Variants in OPCML observed in about 807,000 individuals in gnomAD.
OPCML encodes the protein opioid-binding protein/cell adhesion molecule.
A neutral mutation model predicts 37.8 loss-of-function variants in OPCML; 13 were observed. The observed-to-expected ratio is 0.34, with a 90% CI of 0.22 to 0.55. The LOEUF (loss-of-function observed/expected upper bound fraction) is 0.55. OPCML is among the 20% of genes least tolerant of loss of function. OPCML has a pLI of 0.91. For synonymous variants in OPCML, 176 were observed against 168.8 expected (o/e 1.04, Z -0.33); for missense variants, 341 against 435.6 (o/e 0.78, Z 1.93).
chr11:132,692,124 C>T (rs3892317), intron 2 of OPCML, among the ~76,000 whole-genome samples: 1 of 152,018 alleles, frequency 6.6e-6, no homozygotes, highest in East Asian at 1.9e-4. Flanking sequence ...AGAAAAGCAT[C>T]ATTTATCGTA....
intron 2 of OPCML, 88 bp from the exon 3 acceptor site, chr11:132,657,407 A>G: frequency 6.7e-7 from 1 of 1,493,758 alleles, no homozygotes; most frequent in Non-Finnish European, 8.9e-7. Flanking sequence ...AAGACGTTGC[A>G]TTTTGAGGAG....
chr11:132,585,532 G>A (rs1451123623), intron 3 of OPCML, among the ~76,000 whole-genome samples: 2 of 152,128 alleles, frequency 1.3e-5, no homozygotes, highest in South Asian at 2.1e-4. Flanking sequence ...CATAAGCTGA[G>A]TCCAAAACAA....
chr11:132,892,525 T>C (rs966096256), intron 2 of OPCML, among the ~76,000 whole-genome samples: 1 of 152,204 alleles, frequency 6.6e-6, no homozygotes, highest in African/African-American at 2.4e-5. Context: ...TCCTAGCATT[T>C]TGGGAGGCCG....
chr11:133,153,911 G>A (rs66478746), intron 1 of OPCML, among the ~76,000 whole-genome samples: 27,593 of 152,052 alleles, frequency 0.18, 3,340 homozygotes, highest in African/African-American at 0.34. Flanking sequence ...AGGTAAGACA[G>A]TGAGACACGT....
rs11223304 is a variant in OPCML at position 132,971,178 on chromosome 11, C to T, written c.62-28168G>A. ...AAATTCCTCTAGCTGAGGGCTCTGA[C>T]AAGATTGATGAAGGCCTTAATTCCT... is the stretch of plus-strand genomic sequence containing the variant. On this transcript the variant is annotated intron_variant, in intron 1 of 7. Coordinates refer to ENST00000524381, the MANE Select transcript of OPCML (RefSeq NM_001012393.5). 8.5e-4 allele frequency among the ~76,000 whole-genome samples: 129 copies of T among 152,230 alleles called. 1 individual carries two copies. The East Asian group carries it at 0.022, about 26-fold the overall frequency.
At chr11:132,821,376 C>T (rs1355393291) in intron 2 of OPCML, among the ~76,000 whole-genome samples, 1 of 152,168 alleles carries the variant, frequency 6.6e-6, no homozygotes, top group Non-Finnish European at 1.5e-5. Flanking sequence ...TCCATGCCTT[C>T]CCCAGCTGCC....
In OPCML at chr11:133,287,420, G is replaced by T. The variant is rs532329212; in HGVS notation, c.61+244844C>A. 9.8e-4 allele frequency among the ~76,000 whole-genome samples: 148 copies of T among 150,540 alleles called. 1 individual carries two copies. The highest frequency in any genetic ancestry group is 1.9e-3 in the Non-Finnish European group (130 of 67,652). On this transcript the variant is annotated intron_variant, in intron 1 of 7. Transcript: ENST00000524381. Reference sequence around the variant, plus strand: ...AGCCGAAACAAGTGGGCAAAATATTGCTTCGACATGCACAGGAACCAGATT... The same window carrying T: ...AGCCGAAACAAGTGGGCAAAATATTTCTTCGACATGCACAGGAACCAGATT...
At chr11:132,617,612 G>A (rs896416060) in intron 3 of OPCML, among the ~76,000 whole-genome samples, 3 of 152,202 alleles carry the variant, frequency 2.0e-5, no homozygotes, top group Non-Finnish European at 4.4e-5. Flanking sequence ...AATACCACAG[G>A]CTGAGTGCCT....
chr11:132,816,173 C>T (rs1029993196), intron 2 of OPCML, among the ~76,000 whole-genome samples: 5 of 152,178 alleles, frequency 3.3e-5, no homozygotes, highest in Non-Finnish European at 2.9e-5. Flanking sequence ...TAGGATGATA[C>T]TGATTCCAAC....
Position 132,796,739 on chromosome 11 carries a change from G to A in OPCML, c.147-139420C>T, listed in dbSNP as rs1028142585. Among the ~76,000 whole-genome samples the A allele has an allele frequency of 4.6e-5, 7 of 151,854 alleles. No individual in the cohort carries two copies. The East Asian group carries it at 1.2e-3, about 25-fold the overall frequency. On this transcript the variant is annotated intron_variant, in intron 2 of 7. Coordinates refer to ENST00000524381, the MANE Select transcript of OPCML (RefSeq NM_001012393.5). Reference sequence around the variant, plus strand: ...ACTACAGGCGCCAGCCGCCACGCCCGGCTAATTTTTTGTATTTTTTAGTAG... The same window carrying A: ...ACTACAGGCGCCAGCCGCCACGCCCAGCTAATTTTTTGTATTTTTTAGTAG...
At chr11:133,037,761 C>T (rs1227465836) in intron 1 of OPCML, among the ~76,000 whole-genome samples, 1 of 152,206 alleles carries the variant, frequency 6.6e-6, no homozygotes, top group Non-Finnish European at 1.5e-5. Context: ...CAAAGAAGAG[C>T]AAGCTCATCA....
chr11:132,926,403 AAGAACAT>A (rs1185465935), intron 2 of OPCML, among the ~76,000 whole-genome samples: 1 of 152,200 alleles, frequency 6.6e-6, no homozygotes, highest in Non-Finnish European at 1.5e-5. Context: ...AGAAAAATAA[AAGAACAT>A]TTAAGGCCCC....
chr11:133,085,227 T>C (rs747637247), intron 1 of OPCML, among the ~76,000 whole-genome samples: 2 of 152,218 alleles, frequency 1.3e-5, no homozygotes, highest in Non-Finnish European at 2.9e-5. Flanking sequence ...GACATGGGGC[T>C]CCACAGTAGA....
chr11:132,669,177 T>C (rs1436362579), intron 2 of OPCML, among the ~76,000 whole-genome samples: 1 of 152,052 alleles, frequency 6.6e-6, no homozygotes, highest in Non-Finnish European at 1.5e-5. Flanking sequence ...GTCCTTTTCT[T>C]GGACAGCGTC....
At chr11:133,088,175 G>A (rs893489089) in intron 1 of OPCML, among the ~76,000 whole-genome samples, 1 of 152,154 alleles carries the variant, frequency 6.6e-6, no homozygotes, top group African/African-American at 2.4e-5. Flanking sequence ...ACTGTAGGCA[G>A]GTAGTACACA....
intron 3 of OPCML, among the ~76,000 whole-genome samples, chr11:132,607,013 AT>A (rs1938346227): frequency 6.6e-6 from 1 of 152,156 alleles, no homozygotes; most frequent in South Asian, 2.1e-4. Flanking sequence ...AAAGGGTTAT[AT>A]TTTGGCTTCT....
intron 1 of OPCML, among the ~76,000 whole-genome samples, chr11:133,437,537 C>T (rs1434526362): frequency 2.0e-5 from 3 of 152,142 alleles, no homozygotes; most frequent in Admixed American, 2.0e-4. Context: ...CCAACCGACT[C>T]TTCCCTTCCG....
At chr11:133,270,844 T>C (rs1199678638) in intron 1 of OPCML, among the ~76,000 whole-genome samples, 1 of 152,194 alleles carries the variant, frequency 6.6e-6, no homozygotes, top group East Asian at 1.9e-4. Flanking sequence ...TTCCACCTGA[T>C]ATAGTCTCTG....
intron 2 of OPCML, among the ~76,000 whole-genome samples, chr11:132,824,825 C>T (rs1383199058): frequency 6.6e-6 from 1 of 152,202 alleles, no homozygotes; most frequent in African/African-American, 2.4e-5. Context: ...CCCCATCTCA[C>T]ACCACTTCCT....
Sources: allele counts gnomAD v4.1 joint callset (sites outside exome capture counted in the v4.1 genomes callset), GRCh38; gene constraint gnomAD v4.1.1; transcripts MANE v1.5; gene names NCBI Gene and HGNC (gene_info 2026-07-23, HGNC 2026-07-21).